ANKRD30A: variants seen among roughly 807,000 people sequenced by gnomAD.
ANKRD30A encodes ankyrin repeat domain 30A.
A neutral mutation model predicts 166.3 loss-of-function variants in ANKRD30A; 170 were observed. The observed-to-expected ratio is 1.02, with a 90% confidence interval of 0.90 to 1.16. The LOEUF is 1.16. ANKRD30A is among the 50% of genes most tolerant of loss of function. The probability of loss-of-function intolerance (pLI) is 0.00; values close to 1 mark genes in which losing one functional copy is unlikely to be tolerated. For synonymous variants in ANKRD30A, 564 were observed against 508.9 expected (o/e 1.11, Z -1.46); for missense variants, 1,630 against 1,518.0 (o/e 1.07, Z -1.23).
In ANKRD30A at chr10:37,179,013, AATATATATATATATATATAT is replaced by A. The variant is rs139390228; in HGVS notation, c.2421+2827_2421+2846del. Among the ~76,000 whole-genome samples the A allele has an allele frequency of 6.9e-3, 808 of 116,778 alleles. 1 individual carries two copies. Among genetic ancestry groups the A allele is most frequent in the African/African-American group, 0.013 (417 of 31,308 alleles). 76.6% of individuals were successfully genotyped at this position (116,778 alleles called of 152,430 possible). The stretch of plus-strand genomic sequence containing the variant: ...TTTTCTTTATTACTATGAGGCGTCA[AATATATATATATATATATAT>A]ATATATATATATATATATATATATA... On this transcript the variant is annotated intron_variant, in intron 24 of 35. Transcript: ENST00000361713.
intron 15 of ANKRD30A, 73 bp downstream of exon 15, chr10:37,158,659 A>G (rs1024667535): frequency 1.0e-5 from 16 of 1,577,288 alleles, no homozygotes; most frequent in African/African-American, 2.7e-5. Flanking sequence ...GAGACTTTTC[A>G]TTCCCAATGT....
At chr10:37,199,192 A>G (rs940752240) in intron 29 of ANKRD30A, among the ~76,000 whole-genome samples, 4 of 152,054 alleles carry the variant, frequency 2.6e-5, no homozygotes, top group Non-Finnish European at 4.4e-5. Context: ...TACCCAAACC[A>G]CACCCAATAC....
intron 11 of ANKRD30A, among the ~76,000 whole-genome samples, chr10:37,151,803 T>C (rs577263203): frequency 1.6e-4 from 24 of 152,256 alleles, no homozygotes; most frequent in African/African-American, 5.8e-4. Flanking sequence ...ATGACTGCTT[T>C]ATGAAGAAAT....
chr10:37,178,925 C>T (rs1159852114), intron 24 of ANKRD30A, among the ~76,000 whole-genome samples: 1 of 150,346 alleles, frequency 6.7e-6, no homozygotes, highest in Non-Finnish European at 1.5e-5. Flanking sequence ...AGTGTGGGTG[C>T]TCTGGAGACT....
chr10:37,246,199 G>A, the ANKRD30A span, among the ~76,000 whole-genome samples: 1 of 152,262 alleles, frequency 6.6e-6, no homozygotes, highest in South Asian at 2.1e-4. Flanking sequence ...AGGTCTCAAA[G>A]TTTCATTGTG....
At chr10:37,154,733 G>T (rs1047110778) in intron 13 of ANKRD30A, among the ~76,000 whole-genome samples, 3 of 152,164 alleles carry the variant, frequency 2.0e-5, no homozygotes, top group Non-Finnish European at 4.4e-5. Flanking sequence ...CCAGCTAGAT[G>T]ATTTTGGATT....
the ANKRD30A span, among the ~76,000 whole-genome samples, chr10:37,258,003 A>T: frequency 6.6e-6 from 1 of 152,156 alleles, no homozygotes; most frequent in African/African-American, 2.4e-5. Context: ...ATTATGACAA[A>T]TACCTAATGC....
At chr10:37,238,513 C>T in the ANKRD30A span, among the ~76,000 whole-genome samples, 2 of 152,058 alleles carry the variant, frequency 1.3e-5, no homozygotes, top group Non-Finnish European at 2.9e-5. Flanking sequence ...AATGGCGTCA[C>T]TTAAACTTGT....
At chr10:37,131,199 A>G (rs1315204650) in intron 3 of ANKRD30A, among the ~76,000 whole-genome samples, 1 of 152,038 alleles carries the variant, frequency 6.6e-6, no homozygotes, top group Non-Finnish European at 1.5e-5. Flanking sequence ...TTAAAATTCA[A>G]GTGTTTTAGT....
the ANKRD30A span, among the ~76,000 whole-genome samples, chr10:37,256,356 A>G: frequency 6.6e-6 from 1 of 152,194 alleles, no homozygotes; most frequent in East Asian, 1.9e-4. Context: ...TCTGGGGCTC[A>G]AGCAGTCCTC....
chr10:37,138,111 C>G (rs1476985685), intron 6 of ANKRD30A, among the ~76,000 whole-genome samples: 1 of 152,148 alleles, frequency 6.6e-6, no homozygotes, highest in Non-Finnish European at 1.5e-5. Context: ...GATACCCAGG[C>G]AAACAGGGTC....
At chr10:37,260,464 G>C in the ANKRD30A span, among the ~76,000 whole-genome samples, 1 of 152,094 alleles carries the variant, frequency 6.6e-6, no homozygotes, top group East Asian at 1.9e-4. Flanking sequence ...CCAGCAGCAG[G>C]CCCTCTGTTT....
At chr10:37,236,532 C>T (rs1843682734), downstream of ANKRD30A, among the ~76,000 whole-genome samples, 1 of 152,108 alleles carries the variant, frequency 6.6e-6, no homozygotes, top group Admixed American at 6.5e-5. Flanking sequence ...TGTGCTTTGC[C>T]CAAATTTACC....
intron 27 of ANKRD30A, among the ~76,000 whole-genome samples, chr10:37,196,676 G>T (rs759648191): frequency 6.6e-6 from 1 of 151,660 alleles, no homozygotes; most frequent in Non-Finnish European, 1.5e-5. Flanking sequence ...TCCATGATGA[G>T]TTTTACACAT....
the ANKRD30A span, among the ~76,000 whole-genome samples, chr10:37,239,031 T>C: frequency 6.6e-6 from 1 of 152,156 alleles, no homozygotes; most frequent in Admixed American, 6.5e-5. Context: ...GTCCAGTATG[T>C]GCAGTACACA....
intron 13 of ANKRD30A, among the ~76,000 whole-genome samples, chr10:37,156,919 T>A (rs1838426414): frequency 6.6e-6 from 1 of 152,186 alleles, no homozygotes; most frequent in Admixed American, 6.5e-5. Context: ...ATATTTAGCC[T>A]TAAAATGGTT....
chr10:37,216,300 T>C lies in ANKRD30A; in HGVS notation c.2989T>C (p.Cys997Arg). ...AATGGAACAAATGAAAAAGAAGTTT[T>C]GTGTACTGAAAAAGAAACTGTCAGA... The part of the protein sequence containing the change: ...GKMEQMKKKF[C>R]VLKKKLSEAK... The change falls in exon 32 of 36, where the codon TGT (cysteine) becomes CGT (arginine). Residue 997 changes from cysteine to arginine, a missense_variant. Around this residue, in one of 4 missense-constraint regions of ANKRD30A, gnomAD observed 712 missense variants for 629.3 expected, o/e 1.13. Coordinates refer to ENST00000361713, the MANE Select transcript of ANKRD30A (RefSeq NM_052997.3). 1 of 1,608,944 alleles carries C rather than the reference T, an allele frequency of 6.2e-7. No individual in the cohort carries two copies.
the ANKRD30A span, among the ~76,000 whole-genome samples, chr10:37,243,086 G>A: frequency 1.3e-5 from 2 of 150,440 alleles, no homozygotes; most frequent in Non-Finnish European, 3.0e-5. Flanking sequence ...CTATTTCTAG[G>A]TTATTTGGTT....
chr10:37,214,778 T>C (rs181403952), intron 31 of ANKRD30A, among the ~76,000 whole-genome samples: 61 of 151,494 alleles, frequency 4.0e-4, no homozygotes, highest in Non-Finnish European at 7.5e-4. Flanking sequence ...TACAATTGTG[T>C]ATTTTCATTT....
Sources: gnomAD v4.1 joint callset for allele counts (sites outside exome capture counted in the v4.1 genomes callset) on GRCh38, gnomAD v4.1.1 for gene constraint, gnomAD v4.1.1 regional missense constraint, MANE v1.5 for transcripts, NCBI Gene and HGNC (gene_info 2026-07-23, HGNC 2026-07-21) for gene names.